RRM2: variants seen among roughly 807,000 people sequenced by gnomAD.
The protein encoded by RRM2 is ribonucleoside-diphosphate reductase subunit M2.
In RRM2, 6 loss-of-function variants were observed where a neutral mutation model predicts 45.9. The observed-to-expected ratio is 0.13, with a 90% CI of 0.07 to 0.26. The LOEUF (loss-of-function observed/expected upper bound fraction) is 0.26. Ranked by LOEUF, RRM2 falls within the 10% of genes least tolerant of loss-of-function variation. The pLI, the probability that RRM2 is intolerant of heterozygous loss-of-function variation, is 1.00. For synonymous variants in RRM2, 177 were observed against 173.0 expected, an observed-to-expected ratio of 1.02 and a Z score of -0.18; for missense variants, 343 against 489.5, an observed-to-expected ratio of 0.70 and a Z score of 2.82.
At position 10,150,771 on chromosome 2, in the gene RRM2, G is replaced by GTTTTT. The variant is rs61292654; in HGVS notation, n.482+8411_482+8415dup. ...TAAATAGAATCCTACAGTGTGTTGT[G>GTTTTT]TTTTTTTTTTTTTTTTTTTGATGTG... On this transcript the variant is annotated intron_variant and non_coding_transcript_variant, in intron 3 of 3. Transcript: ENST00000381786. Among the ~76,000 whole-genome samples, 800 of 92,558 alleles carry GTTTTT rather than the reference G, an allele frequency of 8.6e-3. 17 individuals carry two copies. Among genetic ancestry groups the GTTTTT allele is most frequent in the African/African-American group, 0.02 (485 of 24,578 alleles). The allele number at this position is 92,558 out of a possible 152,430, so 60.7% of individuals were successfully genotyped here.
At chr2:10,187,097 C>T (rs377275912) in intron 3 of RRM2, among the ~76,000 whole-genome samples, 17 of 152,344 alleles carry the variant, frequency 1.1e-4, no homozygotes, top group South Asian at 2.1e-4. Flanking sequence ...GCCAGCGCTG[C>T]ATGGCGTTTC....
chr2:10,173,822 G>A (rs1461187531), intron 3 of RRM2, among the ~76,000 whole-genome samples: 2 of 152,226 alleles, frequency 1.3e-5, no homozygotes, highest in East Asian at 1.9e-4. Context: ...GCCCTCTGGA[G>A]CCCTTGGCCT....
chr2:10,158,680 G>A (rs574282440), intron 3 of RRM2, among the ~76,000 whole-genome samples: 17 of 152,064 alleles, frequency 1.1e-4, no homozygotes, highest in Middle Eastern at 3.2e-3. Flanking sequence ...TCTGTGTCTG[G>A]AGTAATAGGG....
chr2:10,123,440 C>A lies in RRM2; in HGVS notation c.228C>A (p.Asn76Lys). The change falls in exon 3 of 10, where the codon AAC becomes AAA. Residue 76 changes from asparagine (N) to lysine (K), a missense_variant. By Grantham distance (94) the Asn-to-Lys change is moderately conservative. This residue lies in a region of RRM2 where 131 missense variants were observed against 121.4 expected (regional missense o/e 1.08). Transcript: ENST00000304567. ...AGGATGAGCCGCTGCTGAGAGAAAACCCCCGCCGCTTTGTCATCTTCCCCA... is the reference window on the plus strand; with the variant it reads ...AGGATGAGCCGCTGCTGAGAGAAAAACCCCGCCGCTTTGTCATCTTCCCCA... Reference protein sequence around the residue: ...GVEDEPLLRENPRRFVIFPIE... With the variant: ...GVEDEPLLREKPRRFVIFPIE... The A allele has an allele frequency of 6.2e-7, 1 of 1,614,162 alleles. No individual in the cohort carries two copies. The highest frequency in any genetic ancestry group is 8.5e-7 in the Non-Finnish European group (1 of 1,180,014).
rs181848039 is a variant in RRM2, at chr2:10,199,508, G to A, written n.483-10803G>A. On this transcript the variant is annotated intron_variant and non_coding_transcript_variant, in intron 3 of 3. Coordinates refer to the RRM2 transcript ENST00000381786. The stretch of plus-strand genomic sequence containing the variant: ...TAAAAGACAAATCATGGGGCCAGGT[G>A]TGGTGGCTCACACCTGTAATCCCAG... Among the ~76,000 whole-genome samples the A allele has an allele frequency of 3.8e-3, 572 of 152,150 alleles. 9 individuals are homozygous for A. In the East Asian group the frequency reaches 0.041, roughly 11 times the overall value.
intron 2 of RRM2, chr2:10,141,961 C>G (rs767172720): frequency 6.4e-7 from 1 of 1,572,576 alleles, no homozygotes; most frequent in South Asian, 1.2e-5. Context: ...TGCGGTAAGT[C>G]AGACGGTGAC....
Position 10,180,770 on chromosome 2 carries a change from TTTA to T in RRM2, n.483-29538_483-29536del, listed in dbSNP as rs1452318674. On this transcript the variant is annotated intron_variant and non_coding_transcript_variant, in intron 3 of 3. Transcript: ENST00000381786. ...CACTTTATTTTTATTTATTTATTTATTTATTTTTTTGAGATGAGACGGAGTCTC... is the reference window on the plus strand; with the variant it reads ...CACTTTATTTTTATTTATTTATTTATTTTTTTTGAGATGAGACGGAGTCTC... Among the ~76,000 whole-genome samples the T allele has an allele frequency of 1.4e-4, 21 of 152,270 alleles. No homozygotes were observed. The East Asian group carries it at 2.5e-3, about 18-fold the overall frequency.
chr2:10,183,595 A>G (rs940656154), intron 3 of RRM2, among the ~76,000 whole-genome samples: 6 of 152,304 alleles, frequency 3.9e-5, no homozygotes, highest in Admixed American at 1.3e-4. Flanking sequence ...TATGCCTGTA[A>G]TCCCAGCATT....
At chr2:10,128,584 C>A (rs1360653108) in intron 7 of RRM2, among the ~76,000 whole-genome samples, 2 of 152,218 alleles carry the variant, frequency 1.3e-5, no homozygotes, top group Non-Finnish European at 2.9e-5. Context: ...CCTTTGCCAA[C>A]ACACAGCAGA....
chr2:10,177,245 CAATAA>C (rs147084579), intron 3 of RRM2, among the ~76,000 whole-genome samples: 3 of 148,884 alleles, frequency 2.0e-5, no homozygotes, highest in East Asian at 2.0e-4. Context: ...GATTTCGCTT[CAATAA>C]AATAAAATAA....
intron 3 of RRM2, among the ~76,000 whole-genome samples, chr2:10,184,950 C>A (rs1168693751): frequency 6.6e-6 from 1 of 152,196 alleles, no homozygotes; most frequent in Non-Finnish European, 1.5e-5. Context: ...GGTTTCAGAC[C>A]CGTCTCTGCC....
At chr2:10,141,813 C>T in intron 1 of RRM2, 1 of 1,550,372 alleles carries the variant, frequency 6.5e-7, no homozygotes, top group South Asian at 1.2e-5. Context: ...GCGGTTGCTC[C>T]AGCATGCAGT....
Position 10,204,710 on chromosome 2 carries a change from C to T in RRM2, n.483-5601C>T, listed in dbSNP as rs1322186150. On this transcript the variant is annotated intron_variant and non_coding_transcript_variant, in intron 3 of 3. Coordinates refer to the RRM2 transcript ENST00000381786. This position sits in a 1 kb window ranked among gnomAD's most constrained non-coding sequence, Gnocchi z 4.0. Reference sequence around the variant, plus strand: ...CTGCGCTGACTAATTTGTTTAATTACTCATTGCCGCATCTGTTCTCAATTG... The same window carrying T: ...CTGCGCTGACTAATTTGTTTAATTATTCATTGCCGCATCTGTTCTCAATTG... Among the ~76,000 whole-genome samples the T allele has an allele frequency of 6.6e-6, 1 of 152,228 alleles. No individual in the cohort carries two copies. The highest frequency in any genetic ancestry group is 1.5e-5 in the Non-Finnish European group (1 of 68,050).
Position 10,171,788 on chromosome 2 carries a change from G to C in RRM2, n.482+29413G>C, listed in dbSNP as rs1043094397. On this transcript the variant is annotated intron_variant and non_coding_transcript_variant, in intron 3 of 3. Coordinates refer to the RRM2 transcript ENST00000381786. The surrounding 1 kb of genome is among the most constrained non-coding windows in gnomAD (Gnocchi z 4.1). The stretch of plus-strand genomic sequence containing the variant: ...CTCCACCAGCAACGTCCCTGAAACA[G>C]TCTTTCTTATTAAAAAATATTGAGT... Among the ~76,000 whole-genome samples the C allele has an allele frequency of 6.6e-6, 1 of 152,336 alleles. No individual in the cohort carries two copies. Among genetic ancestry groups the C allele is most frequent in the East Asian group, 1.9e-4 (1 of 5,190 alleles).
chr2:10,190,481 G>A (rs374900323), intron 3 of RRM2, among the ~76,000 whole-genome samples: 178 of 149,572 alleles, frequency 1.2e-3, no homozygotes, highest in African/African-American at 3.3e-3. Context: ...TGGTGGTGGC[G>A]ATGGTGGGGT....
At chr2:10,141,499 T>C (rs1663077800) in exon 1 of RRM2, 1 of 283,560 alleles carries the variant, frequency 3.5e-6, no homozygotes, top group Non-Finnish European at 6.8e-6. Flanking sequence ...TCTGCATCCT[T>C]GGTCACTGCC....
chr2:10,178,025 C>G (rs1663967539), intron 3 of RRM2, among the ~76,000 whole-genome samples: 1 of 151,360 alleles, frequency 6.6e-6, no homozygotes, highest in African/African-American at 2.4e-5. Flanking sequence ...AGGTTCACGC[C>G]ATTCTCCTGC....
chr2:10,190,017 ATGATGGTGG>A (rs1254498555), intron 3 of RRM2, among the ~76,000 whole-genome samples: 23 of 149,948 alleles, frequency 1.5e-4, no homozygotes, highest in East Asian at 7.9e-4. Context: ...GATGATGGTG[ATGATGGTGG>A]TGATGGTGGT....
At chr2:10,165,025 C>T (rs1663650229) in intron 3 of RRM2, among the ~76,000 whole-genome samples, 1 of 152,224 alleles carries the variant, frequency 6.6e-6, no homozygotes. Flanking sequence ...GAACACAGCT[C>T]ACTACAGCCT....
Sources: gnomAD v4.1 joint callset for allele counts (sites outside exome capture counted in the v4.1 genomes callset) on GRCh38, gnomAD v4.1.1 for gene constraint, gnomAD v4.1.1 regional missense constraint, Gnocchi (gnomAD v3.1) non-coding constraint, MANE v1.5 for transcripts, NCBI Gene and HGNC (gene_info 2026-07-23, HGNC 2026-07-21) for gene names.